Variants in GRM5 observed in about 807,000 individuals in gnomAD.
GRM5 encodes metabotropic glutamate receptor 5.
GRM5 carries 19 observed loss-of-function variants against 83.1 expected under a neutral mutation model. That is an observed-to-expected ratio of 0.23 (90% CI 0.16 to 0.34). The LOEUF is 0.34. GRM5 is among the 10% of genes least tolerant of loss of function. The pLI is 1.00. For synonymous variants in GRM5, 675 were observed against 633.6 expected (o/e 1.07, Z -0.98); for missense variants, 1,160 against 1,588.3 (o/e 0.73, Z 4.58).
intron 2 of GRM5, among the ~76,000 whole-genome samples, chr11:88,909,333 C>T (rs1228429631): frequency 6.6e-6 from 1 of 152,030 alleles, no homozygotes; most frequent in South Asian, 2.1e-4. Context: ...TATACTTCCT[C>T]GCTCAAAGTG....
chr11:88,799,587 A>G (rs1943350278), intron 3 of GRM5, among the ~76,000 whole-genome samples: 1 of 152,130 alleles, frequency 6.6e-6, no homozygotes, highest in Non-Finnish European at 1.5e-5. Context: ...GTAGAAACTC[A>G]TACAGCAAAG....
chr11:89,039,934 G>T (rs1941489245), intron 2 of GRM5, among the ~76,000 whole-genome samples: 1 of 151,950 alleles, frequency 6.6e-6, no homozygotes, highest in Non-Finnish European at 1.5e-5. Context: ...CAAGGAGCTG[G>T]GTGCACACCA....
At chr11:88,703,925 C>G (rs150823281) in intron 3 of GRM5, among the ~76,000 whole-genome samples, 3 of 152,078 alleles carry the variant, frequency 2.0e-5, no homozygotes, top group South Asian at 4.2e-4. Flanking sequence ...TGCCAAAATA[C>G]CAGCGACTGG....
intron 3 of GRM5, among the ~76,000 whole-genome samples, chr11:88,660,131 T>C (rs886416786): frequency 6.6e-6 from 1 of 152,234 alleles, no homozygotes; most frequent in African/African-American, 2.4e-5. Context: ...GAATGGGCAT[T>C]GCCAGCTTCC....
At chr11:88,636,935 T>C (rs940469864) in intron 4 of GRM5, among the ~76,000 whole-genome samples, 12 of 152,226 alleles carry the variant, frequency 7.9e-5, no homozygotes, top group Non-Finnish European at 1.3e-4. Context: ...ACCAGTACCG[T>C]GCTGTTTTGG....
intron 3 of GRM5, among the ~76,000 whole-genome samples, chr11:88,818,588 T>C (rs1943729971): frequency 6.6e-6 from 1 of 152,126 alleles, no homozygotes; most frequent in African/African-American, 2.4e-5. Context: ...ACTTATTACA[T>C]AGAAATTATT....
chr11:88,665,525 C>T (rs946678323), intron 3 of GRM5, among the ~76,000 whole-genome samples: 2 of 151,964 alleles, frequency 1.3e-5, no homozygotes, highest in African/African-American at 2.4e-5. Context: ...CCAAATAAAA[C>T]GTATAGGTAT....
At chr11:88,917,829 A>T (rs629600) in intron 2 of GRM5, among the ~76,000 whole-genome samples, 80,173 of 151,820 alleles carry the variant, frequency 0.53, 21,887 homozygotes, top group South Asian at 0.66. Context: ...TGCCTACAAG[A>T]TTTATAAAAT....
At chr11:88,728,246 C>G (rs1284066424) in intron 3 of GRM5, among the ~76,000 whole-genome samples, 1 of 152,068 alleles carries the variant, frequency 6.6e-6, no homozygotes, top group Non-Finnish European at 1.5e-5. Context: ...ACTATAAACA[C>G]CTCTACACAA....
intron 3 of GRM5, among the ~76,000 whole-genome samples, chr11:88,727,244 C>T (rs544778238): frequency 5.3e-4 from 81 of 152,184 alleles, no homozygotes; most frequent in Middle Eastern, 3.4e-3. Context: ...ATCCTAGTCT[C>T]TGATAAAACA....
At chr11:89,044,471 G>A (rs1421079524) in intron 2 of GRM5, among the ~76,000 whole-genome samples, 16 of 152,054 alleles carry the variant, frequency 1.1e-4, no homozygotes, top group Admixed American at 1.0e-3. Flanking sequence ...CACTCCTCTG[G>A]AATTCTGTGA....
At chr11:88,692,373 C>T (rs1471637264) in intron 3 of GRM5, among the ~76,000 whole-genome samples, 1 of 152,154 alleles carries the variant, frequency 6.6e-6, no homozygotes, top group African/African-American at 2.4e-5. Context: ...GGCATAGATG[C>T]ATTAATGGAT....
intron 3 of GRM5, among the ~76,000 whole-genome samples, chr11:88,695,967 G>C (rs1940891863): frequency 6.6e-6 from 1 of 152,208 alleles, no homozygotes; most frequent in African/African-American, 2.4e-5. Context: ...CGACTTGTGT[G>C]AATCAGCTCA....
At chr11:88,914,074 A>G (rs1945549856) in intron 2 of GRM5, among the ~76,000 whole-genome samples, 1 of 152,146 alleles carries the variant, frequency 6.6e-6, no homozygotes, top group East Asian at 1.9e-4. Flanking sequence ...GCTCTGATAA[A>G]TCACTCAGCA....
At chr11:88,841,562 T>C (rs977082930) in intron 3 of GRM5, among the ~76,000 whole-genome samples, 12 of 152,238 alleles carry the variant, frequency 7.9e-5, no homozygotes, top group African/African-American at 2.9e-4. Context: ...TTTTCACATC[T>C]GCTGGTGTAG....
At chr11:88,915,333 G>T (rs1285292432) in intron 2 of GRM5, among the ~76,000 whole-genome samples, 2 of 152,056 alleles carry the variant, frequency 1.3e-5, no homozygotes, top group African/African-American at 4.8e-5. Flanking sequence ...ACCATCTTTT[G>T]TTGTTGAATT....
chr11:88,875,342 C>T (rs1944834157), intron 2 of GRM5, among the ~76,000 whole-genome samples: 1 of 151,916 alleles, frequency 6.6e-6, no homozygotes, highest in African/African-American at 2.4e-5. Context: ...CAAGTTTTAC[C>T]ATAAGATTGT....
intron 3 of GRM5, among the ~76,000 whole-genome samples, chr11:88,809,315 T>C (rs2135495407): frequency 6.6e-6 from 1 of 152,212 alleles, no homozygotes; most frequent in South Asian, 2.1e-4. Context: ...CTTATTCTAA[T>C]AAGCTCTTAA....
At chr11:88,874,867 C>T (rs1322248044) in intron 2 of GRM5, among the ~76,000 whole-genome samples, 1 of 151,814 alleles carries the variant, frequency 6.6e-6, no homozygotes, top group East Asian at 1.9e-4. Context: ...TGTGCTATAA[C>T]ATTAGGTTTA....
Sources: allele counts gnomAD v4.1 joint callset (sites outside exome capture counted in the v4.1 genomes callset), GRCh38; gene constraint gnomAD v4.1.1; transcripts MANE v1.5; gene names NCBI Gene and HGNC (gene_info 2026-07-23, HGNC 2026-07-21).